The following INPP5D variants were observed in gnomAD, a reference collection of about 807,000 sequenced individuals.
The protein encoded by INPP5D is phosphatidylinositol 3,4,5-trisphosphate 5-phosphatase 1.
Under a neutral mutation model 122.9 loss-of-function variants are expected in INPP5D, and 33 were observed. The ratio of observed to expected loss-of-function variants is 0.27; its 90% CI spans 0.20 to 0.36. The LOEUF (loss-of-function observed/expected upper bound fraction) is 0.36, where lower values mean the gene tolerates loss of function less well. INPP5D is among the 10% of genes least tolerant of loss of function. The pLI is 1.00. For synonymous variants in INPP5D, 584 were observed against 576.2 expected (o/e 1.01, Z -0.19); for missense variants, 1,053 against 1,412.7 (o/e 0.75, Z 4.08).
At chr2:233,104,554 T>TG (rs1382611834) in intron 2 of INPP5D, among the ~76,000 whole-genome samples, 1 of 151,770 alleles carries the variant, frequency 6.6e-6, no homozygotes, top group Admixed American at 6.6e-5. Context: ...GCTGAAGCCA[T>TG]GGGGGGTAGG....
Position 233,177,408 on chromosome 2 carries a change from T to C in INPP5D, c.2071+62T>C. The C allele has an allele frequency of 1.2e-6, 2 of 1,611,662 alleles. No homozygotes were observed. Among genetic ancestry groups the C allele is most frequent in the South Asian group, 2.2e-5 (2 of 90,952 alleles). On this transcript the variant is annotated intron_variant, in intron 18 of 26. Transcript: ENST00000445964. This position sits in a 1 kb window ranked among gnomAD's most constrained non-coding sequence, Gnocchi z 4.2. The stretch of plus-strand genomic sequence containing the variant: ...GAGAATGGCACCAAGCTGGGAGGTG[T>C]GACTGCCCTAAAATCTAAGGGCTTC...
At position 233,130,665 on chromosome 2, in the gene INPP5D, G is replaced by A. The variant is rs777673687; in HGVS notation, c.665+17G>A. 2.2e-5 allele frequency: 35 copies of A among 1,613,444 alleles called. No homozygotes were observed. The South Asian group carries it at 2.4e-4, about 11-fold the overall frequency. On this transcript the variant is annotated intron_variant, in intron 5 of 26. Coordinates refer to ENST00000445964, the MANE Select transcript of INPP5D (RefSeq NM_001017915.3). ...GCTCTATGGGTAATGGCTGGCCCAC[G>A]GGGGCGGGCAGGTGGGGGCGGCCAC... is the stretch of plus-strand genomic sequence containing the variant.
chr2:233,125,412 G>A (rs566349960), intron 3 of INPP5D, among the ~76,000 whole-genome samples: 2 of 152,350 alleles, frequency 1.3e-5, no homozygotes, highest in Admixed American at 6.5e-5. Flanking sequence ...GCCCCTGAAA[G>A]TCTGAGAGCC....
chr2:233,087,332 TA>T (rs201923749), intron 2 of INPP5D, among the ~76,000 whole-genome samples: 1,568 of 152,226 alleles, frequency 0.01, 32 homozygotes, highest in African/African-American at 0.036. Context: ...TTTATTTATT[TA>T]TTTTTTTGAG....
At chr2:233,196,821 T>C (rs1695196023) in intron 24 of INPP5D, among the ~76,000 whole-genome samples, 1 of 151,656 alleles carries the variant, frequency 6.6e-6, no homozygotes, top group African/African-American at 2.4e-5. Flanking sequence ...CCACAACTCA[T>C]CCCCACCAAC....
At chr2:233,118,831 C>T (rs1361410584) in intron 2 of INPP5D, among the ~76,000 whole-genome samples, 1 of 152,382 alleles carries the variant, frequency 6.6e-6, no homozygotes, top group East Asian at 1.9e-4. Flanking sequence ...TGCCACCTGT[C>T]TGCCATCCAT....
At chr2:233,073,842 G>A (rs906557724) in intron 1 of INPP5D, among the ~76,000 whole-genome samples, 2 of 151,760 alleles carry the variant, frequency 1.3e-5, no homozygotes, top group African/African-American at 2.4e-5. Context: ...TGCCTCTGTC[G>A]TGTGTTAAAT....
Position 233,161,756 on chromosome 2 carries a change from G to A in INPP5D, c.1170G>A (p.Gln390=). The change falls in exon 11 of 27, where the codon CAG becomes CAA. Residue 390 remains glutamine, a synonymous_variant. Coordinates refer to ENST00000445964, the MANE Select transcript of INPP5D (RefSeq NM_001017915.3). The part of the protein sequence containing the change: ...KREGFCQLLQ[Q]MKNKHSEQPE... ...AAGGCTTCTGCCAGCTCCTGCAGCA[G>A]ATGAAGAACAAGCACTCAGAGCAGC... 2 of 1,613,606 alleles carry A rather than the reference G, an allele frequency of 1.2e-6. No individual in the cohort carries two copies. The highest frequency in any genetic ancestry group is 1.7e-6 in the Non-Finnish European group (2 of 1,179,718).
chr2:233,131,925 A>T (rs1412209047), intron 5 of INPP5D, among the ~76,000 whole-genome samples: 1 of 152,226 alleles, frequency 6.6e-6, no homozygotes, highest in African/African-American at 2.4e-5. Flanking sequence ...TTCCTTTTAA[A>T]GGCTTTTAAA....
At chr2:233,145,962 G>T (rs1338240686) in intron 6 of INPP5D, 200 bp from the exon 7 acceptor site, 1 of 697,032 alleles carries the variant, frequency 1.4e-6, no homozygotes, top group Non-Finnish European at 2.6e-6. Flanking sequence ...AAGAAATGAA[G>T]ATCTATTTTT....
In INPP5D at chr2:233,163,530, G is replaced by A. The variant is rs146216798; in HGVS notation, c.1241-177G>A. Among the ~76,000 whole-genome samples, 236 of 152,262 alleles carry A rather than the reference G, an allele frequency of 1.5e-3. 2 individuals carry two copies. In the East Asian group the frequency reaches 0.025, roughly 16 times the overall value. On this transcript the variant is annotated intron_variant, in intron 11 of 26. Coordinates refer to ENST00000445964, the MANE Select transcript of INPP5D (RefSeq NM_001017915.3). ...GCTTAACTGAGCTCTAGCCCTAACC[G>A]ACATCCTGGGTGAGGTTGGCGCCCA...
intron 5 of INPP5D, among the ~76,000 whole-genome samples, chr2:233,138,517 G>A (rs7421653): frequency 0.9 from 137,115 of 152,066 alleles, 62,272 homozygotes; most frequent in Non-Finnish European, 0.96. Flanking sequence ...TTATTCATCC[G>A]TATTGAAGTG....
chr2:233,098,036 C>T (rs1052950095), intron 2 of INPP5D, among the ~76,000 whole-genome samples: 2 of 152,072 alleles, frequency 1.3e-5, no homozygotes, highest in Admixed American at 6.6e-5. Flanking sequence ...CAGGCATGCG[C>T]CACCATGCCT....
intron 1 of INPP5D, among the ~76,000 whole-genome samples, chr2:233,069,967 C>T (rs773177192): frequency 6.6e-6 from 1 of 152,110 alleles, no homozygotes; most frequent in Non-Finnish European, 1.5e-5. Flanking sequence ...AGAGAGTGCC[C>T]GCCTCATTCT....
chr2:233,191,962 G>C (rs1258133838), intron 22 of INPP5D, among the ~76,000 whole-genome samples: 1 of 152,188 alleles, frequency 6.6e-6, no homozygotes, highest in East Asian at 1.9e-4. Context: ...CCCCTCCTTG[G>C]GGAGGTGAGG....
intron 6 of INPP5D, 73 bp from the exon 7 acceptor site, chr2:233,146,089 G>C (rs995313759): frequency 1.4e-6 from 1 of 704,078 alleles, no homozygotes. Context: ...GGTGCAGAGA[G>C]AACCCAGAGC....
intron 11 of INPP5D, 131 bp downstream of exon 11, chr2:233,161,957 G>A: frequency 1.5e-6 from 2 of 1,369,782 alleles, no homozygotes; most frequent in Non-Finnish European, 9.6e-7. Flanking sequence ...CTGCCCCTAA[G>A]CCCCAGCCCA....
intron 2 of INPP5D, 133 bp from the exon 3 acceptor site, chr2:233,121,974 G>C: frequency 1.0e-6 from 1 of 986,198 alleles, no homozygotes; most frequent in Non-Finnish European, 1.5e-6. Flanking sequence ...CACACCCTGC[G>C]TAGGAGCCCA....
chr2:233,086,866 A>G (rs1270947617), intron 2 of INPP5D, among the ~76,000 whole-genome samples: 1 of 152,130 alleles, frequency 6.6e-6, no homozygotes, highest in African/African-American at 2.4e-5. Context: ...CGGTCTGACA[A>G]CACAGTCTCT....
Sources: allele counts gnomAD v4.1 joint callset (sites outside exome capture counted in the v4.1 genomes callset), GRCh38; gene constraint gnomAD v4.1.1; non-coding constraint Gnocchi (gnomAD v3.1); transcripts MANE v1.5; gene names NCBI Gene and HGNC (gene_info 2026-07-23, HGNC 2026-07-21).